DGKB: variants seen among roughly 807,000 people sequenced by gnomAD.
The protein encoded by DGKB is 90 kDa diacylglycerol kinase.
A neutral mutation model predicts 114.3 loss-of-function variants in DGKB; 67 were observed. That is an observed-to-expected ratio of 0.59 (90% CI 0.48 to 0.72). The LOEUF (loss-of-function observed/expected upper bound fraction) is 0.72. Among genes scored for constraint, DGKB ranks in the 30% least tolerant of loss-of-function variants. DGKB has a pLI of 0.00. For missense variants in DGKB, 907 were observed against 975.2 expected, an observed-to-expected ratio of 0.93 and a Z score of 0.93; for synonymous variants, 398 against 323.1, an observed-to-expected ratio of 1.23 and a Z score of -2.49.
intron 1 of DGKB, among the ~76,000 whole-genome samples, chr7:14,960,986 G>A (rs1786809453): frequency 6.6e-6 from 1 of 151,950 alleles, no homozygotes; most frequent in Non-Finnish European, 1.5e-5. Flanking sequence ...ATTTATTACA[G>A]GTTATTGTGA....
chr7:14,911,934 GAA>G (rs1360154587), intron 1 of DGKB, among the ~76,000 whole-genome samples: 1 of 152,178 alleles, frequency 6.6e-6, no homozygotes, highest in Non-Finnish European at 1.5e-5. Context: ...CAGAAAAAAG[GAA>G]AGTCTGGCTA....
intron 20 of DGKB, among the ~76,000 whole-genome samples, chr7:14,478,792 C>T (rs904001687): frequency 7.4e-6 from 1 of 135,736 alleles, no homozygotes; most frequent in African/African-American, 2.6e-5. Context: ...TCTGGCATAG[C>T]TCGTTGAATA....
At chr7:14,810,366 C>A (rs928627887) in intron 2 of DGKB, among the ~76,000 whole-genome samples, 3 of 150,358 alleles carry the variant, frequency 2.0e-5, no homozygotes, top group African/African-American at 7.3e-5. Context: ...TATTCTCAGC[C>A]ATGTTTAGAC....
intron 1 of DGKB, among the ~76,000 whole-genome samples, chr7:14,866,099 T>G (rs530105774): frequency 2.0e-5 from 3 of 152,282 alleles, no homozygotes; most frequent in South Asian, 2.1e-4. Flanking sequence ...TTTTAAAGAC[T>G]TAATTTTTCT....
chr7:14,406,719 C>T (rs2357959), intron 21 of DGKB, among the ~76,000 whole-genome samples: 114,208 of 151,942 alleles, frequency 0.75, 43,513 homozygotes, highest in Middle Eastern at 0.83. Flanking sequence ...CTAAACTCTC[C>T]GCTTTTAAGC....
intron 21 of DGKB, among the ~76,000 whole-genome samples, chr7:14,349,987 C>T (rs1180106835): frequency 6.6e-6 from 1 of 152,058 alleles, no homozygotes; most frequent in Non-Finnish European, 1.5e-5. Flanking sequence ...TTCTGTAAAC[C>T]TCACAAAAGT....
intron 23 of DGKB, among the ~76,000 whole-genome samples, chr7:14,278,420 T>C (rs187981374): frequency 2.6e-5 from 4 of 152,330 alleles, no homozygotes. Context: ...TACATGGTAT[T>C]GGGAAACCCG....
chr7:14,971,216 C>T (rs1242341833), intron 1 of DGKB, among the ~76,000 whole-genome samples: 1 of 152,072 alleles, frequency 6.6e-6, no homozygotes. Flanking sequence ...AGCAAGTAAA[C>T]AAGATGTGTA....
At chr7:14,902,144 TTTGC>T (rs1214576291) in intron 1 of DGKB, among the ~76,000 whole-genome samples, 1 of 152,170 alleles carries the variant, frequency 6.6e-6, no homozygotes, top group African/African-American at 2.4e-5. Context: ...AAGACTTTTG[TTTGC>T]TTGCTTGCTT....
chr7:14,591,721 A>T (rs1801736569), intron 17 of DGKB, among the ~76,000 whole-genome samples: 1 of 152,036 alleles, frequency 6.6e-6, no homozygotes, highest in Non-Finnish European at 1.5e-5. Flanking sequence ...TCTTACCACA[A>T]CCACAACAAA....
intron 23 of DGKB, among the ~76,000 whole-genome samples, chr7:14,313,647 G>A (rs543248942): frequency 1.3e-3 from 200 of 152,202 alleles, no homozygotes; most frequent in Admixed American, 2.3e-3. Context: ...ACGGAGTCTC[G>A]CTGATTGCTA....
At chr7:14,803,763 A>G (rs2128056924) in intron 2 of DGKB, among the ~76,000 whole-genome samples, 1 of 152,102 alleles carries the variant, frequency 6.6e-6, no homozygotes, top group Admixed American at 6.6e-5. Flanking sequence ...TTTTCTTAGT[A>G]TTTACTATGG....
At chr7:14,768,981 A>G (rs1836871373) in intron 2 of DGKB, among the ~76,000 whole-genome samples, 1 of 151,758 alleles carries the variant, frequency 6.6e-6, no homozygotes, top group Non-Finnish European at 1.5e-5. Flanking sequence ...ATTTTAAACG[A>G]GATGATTTAT....
intron 1 of DGKB, among the ~76,000 whole-genome samples, chr7:14,862,834 G>T (rs763687126): frequency 3.3e-5 from 5 of 151,840 alleles, no homozygotes; most frequent in Non-Finnish European, 5.9e-5. Context: ...CACTATTTTG[G>T]ATATTTGTGT....
At chr7:14,332,045 T>C (rs1172168973) in intron 23 of DGKB, among the ~76,000 whole-genome samples, 1 of 152,150 alleles carries the variant, frequency 6.6e-6, no homozygotes, top group African/African-American at 2.4e-5. Context: ...ATAAAAACAA[T>C]GTTTACAGTA....
chr7:14,621,234 T>C (rs1807583098), intron 15 of DGKB, 144 bp downstream of exon 15: 1 of 577,268 alleles, frequency 1.7e-6, no homozygotes, highest in Admixed American at 3.5e-5. Context: ...GACATCTTGA[T>C]AAATTAATAA....
intron 21 of DGKB, among the ~76,000 whole-genome samples, chr7:14,451,342 A>G (rs892727046): frequency 3.3e-5 from 5 of 152,036 alleles, no homozygotes; most frequent in Admixed American, 3.3e-4. Context: ...TGACTGATAC[A>G]TTTAAGCTGG....
intron 1 of DGKB, among the ~76,000 whole-genome samples, chr7:14,965,264 A>G (rs1279649322): frequency 1.3e-5 from 2 of 152,154 alleles, no homozygotes; most frequent in African/African-American, 4.8e-5. Context: ...GGTTGTGTAC[A>G]CTGTACTTTG....
intron 23 of DGKB, among the ~76,000 whole-genome samples, chr7:14,231,345 C>T (rs918045038): frequency 6.6e-6 from 1 of 151,796 alleles, no homozygotes; most frequent in Non-Finnish European, 1.5e-5. Flanking sequence ...ACTATGTTGC[C>T]CAGGCTGGTC....
Sources: allele counts gnomAD v4.1 joint callset (sites outside exome capture counted in the v4.1 genomes callset), GRCh38; gene constraint gnomAD v4.1.1; transcripts MANE v1.5; gene names NCBI Gene and HGNC (gene_info 2026-07-23, HGNC 2026-07-21).